IMMP2L: variants seen among roughly 807,000 people sequenced by gnomAD.
The protein encoded by IMMP2L is inner mitochondrial membrane peptidase subunit 2.
Under a neutral mutation model 19.3 loss-of-function variants are expected in IMMP2L, and 18 were observed. The ratio of observed to expected loss-of-function variants is 0.93; its 90% CI spans 0.64 to 1.38. The LOEUF (loss-of-function observed/expected upper bound fraction) is 1.38. Ranked by LOEUF, IMMP2L falls within the 40% of genes most tolerant of loss-of-function variation. IMMP2L has a pLI of 0.00. For synonymous variants in IMMP2L, 76 were observed against 73.0 expected, an observed-to-expected ratio of 1.04 and a Z score of -0.21; for missense variants, 233 against 218.2, an observed-to-expected ratio of 1.07 and a Z score of -0.43.
chr7:111,419,463 C>T (rs1309242648), intron 3 of IMMP2L, among the ~76,000 whole-genome samples: 1 of 151,630 alleles, frequency 6.6e-6, no homozygotes, highest in Non-Finnish European at 1.5e-5. Context: ...ACAAACCTGT[C>T]TCCCGTGCTA....
chr7:110,962,892 A>T lies in IMMP2L; in HGVS notation c.305+608T>A, dbSNP rs76716250. The T allele has an allele frequency of 3.6e-4, 496 of 1,361,326 alleles. No individual in the cohort carries two copies. The African/African-American group carries it at 6.9e-3, about 19-fold the overall frequency. The allele number at this position is 1,361,326 out of a possible 1,614,324, so 84.3% of individuals were successfully genotyped here. On this transcript the variant is annotated intron_variant, in intron 4 of 5. Coordinates refer to ENST00000405709, the MANE Select transcript of IMMP2L (RefSeq NM_032549.4). ...CAACTTGTTTAAAGAAAGCGATCACAATGAGACACATCATGCCACACAGTA... is the reference window on the plus strand; with the variant it reads ...CAACTTGTTTAAAGAAAGCGATCACTATGAGACACATCATGCCACACAGTA...
intron 1 of IMMP2L, among the ~76,000 whole-genome samples, chr7:111,541,045 T>A (rs1848468082): frequency 6.6e-6 from 1 of 152,142 alleles, no homozygotes; most frequent in Non-Finnish European, 1.5e-5. Flanking sequence ...AAGTCAGAAA[T>A]AAGATTTGGA....
chr7:111,405,207 A>G (rs1833808923), intron 3 of IMMP2L, among the ~76,000 whole-genome samples: 1 of 152,072 alleles, frequency 6.6e-6, no homozygotes, highest in Non-Finnish European at 1.5e-5. Flanking sequence ...AAAAATTTCA[A>G]AGGTCTCAAG....
intron 1 of IMMP2L, among the ~76,000 whole-genome samples, chr7:111,548,134 G>T (rs1273929091): frequency 6.6e-6 from 1 of 151,922 alleles, no homozygotes; most frequent in Non-Finnish European, 1.5e-5. Context: ...TTCAGGGAGA[G>T]AATATTATCT....
chr7:111,292,065 C>T (rs999697886), intron 3 of IMMP2L, among the ~76,000 whole-genome samples: 11 of 152,114 alleles, frequency 7.2e-5, no homozygotes, highest in African/African-American at 2.4e-4. Flanking sequence ...TATCTCTTCA[C>T]ACACAGTGAA....
intron 3 of IMMP2L, among the ~76,000 whole-genome samples, chr7:111,417,782 G>C (rs1178828635): frequency 6.6e-6 from 1 of 151,908 alleles, no homozygotes; most frequent in Non-Finnish European, 1.5e-5. Flanking sequence ...TAGGAATAGA[G>C]TTGATAGTGC....
chr7:110,967,401 C>T (rs1290549838), intron 3 of IMMP2L, among the ~76,000 whole-genome samples: 1 of 151,910 alleles, frequency 6.6e-6, no homozygotes, highest in African/African-American at 2.4e-5. Context: ...CCTGACCACC[C>T]CCACCCTGAT....
In IMMP2L at chr7:110,940,318, C is replaced by CAA. The variant is rs3051992; in HGVS notation, c.305+23180_305+23181dup. Among the ~76,000 whole-genome samples the CAA allele has an allele frequency of 3.0e-4, 38 of 127,610 alleles. No homozygotes were observed. In the East Asian group the frequency reaches 5.5e-3, roughly 19 times the overall value. The allele number at this position is 127,610 out of a possible 152,430, so 83.7% of individuals were successfully genotyped here. ...TGGGCAACAGAGCTAGACTCCATCTCAAAAAAAAAAAAAAAGTTAAAATAA... is the reference window on the plus strand; with the variant it reads ...TGGGCAACAGAGCTAGACTCCATCTCAAAAAAAAAAAAAAAAAGTTAAAATAA... On this transcript the variant is annotated intron_variant, in intron 4 of 5. Coordinates refer to ENST00000405709, the MANE Select transcript of IMMP2L (RefSeq NM_032549.4).
chr7:110,909,308 T>C (rs1735612741), intron 4 of IMMP2L, among the ~76,000 whole-genome samples: 1 of 152,168 alleles, frequency 6.6e-6, no homozygotes, highest in African/African-American at 2.4e-5. Context: ...CCTAAATAAA[T>C]AGTTTAGTCA....
At chr7:110,930,773 TC>T (rs1216785778) in intron 4 of IMMP2L, among the ~76,000 whole-genome samples, 4 of 152,228 alleles carry the variant, frequency 2.6e-5, no homozygotes, top group Non-Finnish European at 5.9e-5. Context: ...CCCTGTGGTT[TC>T]CACAAAGTTT....
intron 1 of IMMP2L, among the ~76,000 whole-genome samples, chr7:111,545,432 C>T (rs1427621854): frequency 6.6e-6 from 1 of 152,138 alleles, no homozygotes; most frequent in Admixed American, 6.5e-5. Flanking sequence ...TGCTCTGTCA[C>T]CCAGCTGGAG....
intron 5 of IMMP2L, among the ~76,000 whole-genome samples, chr7:110,793,656 G>A (rs1445692540): frequency 6.6e-6 from 1 of 152,028 alleles, no homozygotes; most frequent in Non-Finnish European, 1.5e-5. Flanking sequence ...TAAGTCTAGA[G>A]ATGTAATGTA....
At chr7:111,084,039 G>A (rs75020839) in intron 3 of IMMP2L, among the ~76,000 whole-genome samples, 18,107 of 152,088 alleles carry the variant, frequency 0.12, 1,501 homozygotes, top group Non-Finnish European at 0.18. Flanking sequence ...ACTGTGTTGT[G>A]GAGGAAGGGA....
At position 110,801,143 on chromosome 7, in the gene IMMP2L, T is replaced by C. The variant is rs570027548; in HGVS notation, c.408+85450A>G. ...ACTGCTGTACATAGTTGAAAATGTT[T>C]CTACACCTCAGTTTCCACCAGCTTT... is the stretch of plus-strand genomic sequence containing the variant. On this transcript the variant is annotated intron_variant, in intron 5 of 5. Coordinates refer to ENST00000405709, the MANE Select transcript of IMMP2L (RefSeq NM_032549.4). 2.6e-5 allele frequency among the ~76,000 whole-genome samples: 4 copies of C among 152,226 alleles called. No homozygotes were observed. In the East Asian group the frequency reaches 7.8e-4, roughly 30 times the overall value.
At chr7:110,816,271 C>T (rs1470847070) in intron 5 of IMMP2L, among the ~76,000 whole-genome samples, 29 of 152,098 alleles carry the variant, frequency 1.9e-4, no homozygotes, top group African/African-American at 6.5e-4. Context: ...TGTAGTTGAG[C>T]GGCTTTGAGT....
intron 3 of IMMP2L, among the ~76,000 whole-genome samples, chr7:111,096,508 T>TA (rs5886589): frequency 0.79 from 114,245 of 144,680 alleles, 46,128 homozygotes; most frequent in East Asian, 0.88. Context: ...GAGTTAAATT[T>TA]AAAAAAAAAA....
At chr7:111,036,860 T>A in intron 3 of IMMP2L, among the ~76,000 whole-genome samples, 1 of 152,206 alleles carries the variant, frequency 6.6e-6, no homozygotes, top group East Asian at 1.9e-4. Context: ...CCATTAAGAT[T>A]ATACATTTAT....
intron 3 of IMMP2L, among the ~76,000 whole-genome samples, chr7:111,337,549 A>G (rs1049075300): frequency 1.3e-5 from 2 of 151,936 alleles, no homozygotes; most frequent in Non-Finnish European, 2.9e-5. Context: ...ATGGGCAGGT[A>G]GGCTGACAAA....
chr7:111,419,108 T>C (rs968935506), intron 3 of IMMP2L, among the ~76,000 whole-genome samples: 1 of 151,806 alleles, frequency 6.6e-6, no homozygotes, highest in African/African-American at 2.4e-5. Flanking sequence ...TTTAAATAAA[T>C]TGCATTTATA....
Sources: gnomAD v4.1 joint callset for allele counts (sites outside exome capture counted in the v4.1 genomes callset) on GRCh38, gnomAD v4.1.1 for gene constraint, MANE v1.5 for transcripts, NCBI Gene and HGNC (gene_info 2026-07-23, HGNC 2026-07-21) for gene names.